The following CFAP221 variants were observed in gnomAD, a reference collection of about 807,000 sequenced individuals.
CFAP221 encodes the protein cilia and flagella associated protein 221.
In CFAP221, 97 loss-of-function variants were observed where a neutral mutation model predicts 113.1. The observed-to-expected ratio is 0.86, with a 90% CI of 0.73 to 1.02. The LOEUF (loss-of-function observed/expected upper bound fraction) is 1.02, where lower values mean the gene tolerates loss of function less well. CFAP221 is among the 50% of genes least tolerant of loss of function. The pLI, the probability that CFAP221 is intolerant of heterozygous loss-of-function variation, is 0.00. For missense variants in CFAP221, 1,025 were observed against 1,013.4 expected, an observed-to-expected ratio of 1.01 and a Z score of -0.16; for synonymous variants, 331 against 354.4, an observed-to-expected ratio of 0.93 and a Z score of 0.74.
At chr2:119,611,888 T>C in intron 13 of CFAP221, 146 bp downstream of exon 13, 1 of 723,454 alleles carries the variant, frequency 1.4e-6, no homozygotes, top group Non-Finnish European at 2.3e-6. Flanking sequence ...AATGTTACCA[T>C]GTTTTTGCAA....
chr2:119,587,068 C>A (rs1683271843), intron 6 of CFAP221, 51 bp from the exon 7 acceptor site: 8 of 1,327,846 alleles, frequency 6.0e-6, no homozygotes, highest in South Asian at 1.5e-5. Context: ...CCAAAAGAAC[C>A]AGTTATAAAG....
chr2:119,644,725 T>C (rs984538409), intron 21 of CFAP221, among the ~76,000 whole-genome samples: 2 of 152,284 alleles, frequency 1.3e-5, no homozygotes, highest in East Asian at 1.9e-4. Flanking sequence ...ATATATGTAA[T>C]GTATGTGCAT....
chr2:119,565,656 T>C (rs115366316), intron 6 of CFAP221, among the ~76,000 whole-genome samples: 145 of 152,362 alleles, frequency 9.5e-4, no homozygotes, highest in African/African-American at 3.4e-3. Flanking sequence ...TGATGTGATA[T>C]TTTTAAAAAA....
intron 14 of CFAP221, among the ~76,000 whole-genome samples, chr2:119,617,099 G>A (rs1181158177): frequency 6.6e-6 from 1 of 152,238 alleles, no homozygotes; most frequent in African/African-American, 2.4e-5. Flanking sequence ...CTGTCTCAAA[G>A]TGTTGTTGTG....
chr2:119,550,407 G>C (rs1416527851), intron 3 of CFAP221, among the ~76,000 whole-genome samples: 1 of 152,224 alleles, frequency 6.6e-6, no homozygotes, highest in Non-Finnish European at 1.5e-5. Flanking sequence ...AATGAAGTGA[G>C]TAGCGAGAAT....
Position 119,601,334 on chromosome 2 carries a change from G to A in CFAP221, c.748G>A (p.Glu250Lys), listed in dbSNP as rs76001239. ...TTCGCAGTTCAACTCTCAACCATAC[G>A]AATGTGTCTTCACCGGAACATGCTA... is the stretch of plus-strand genomic sequence containing the variant. ...WISQFNSQPY[E>K]CVFTGTCYPN... Residue 250 changes from glutamate to lysine, a missense_variant, in exon 8 of 24, where the codon GAA becomes AAA. Transcript: ENST00000413369. 1.0e-3 allele frequency: 1,592 copies of A among 1,534,732 alleles called. 6 individuals are homozygous for A. The African/African-American group carries it at 0.015, about 14-fold the overall frequency.
intron 14 of CFAP221, among the ~76,000 whole-genome samples, chr2:119,621,585 A>G (rs1574156418): frequency 6.6e-6 from 1 of 152,200 alleles, no homozygotes; most frequent in African/African-American, 2.4e-5. Context: ...TCAACAAAAT[A>G]CACATTCTTC....
intron 7 of CFAP221, among the ~76,000 whole-genome samples, chr2:119,591,197 A>G (rs538503905): frequency 2.8e-4 from 42 of 152,344 alleles, no homozygotes; most frequent in Admixed American, 2.7e-3. Context: ...TACCAGAGGT[A>G]AAATAGAGAG....
intron 21 of CFAP221, among the ~76,000 whole-genome samples, chr2:119,644,751 C>T (rs11895761): frequency 1.3e-5 from 2 of 152,128 alleles, no homozygotes; most frequent in African/African-American, 4.8e-5. Context: ...CACACATATA[C>T]ATATCCATAT....
At chr2:119,660,178 GGTCGT>G (rs1183814800), downstream of CFAP221, 2 of 152,260 alleles carry the variant, frequency 1.3e-5, no homozygotes, top group Non-Finnish European at 2.9e-5. Context: ...AGGTTGAAAA[GGTCGT>G]GGCCCCTTGG....
At chr2:119,658,619 G>GCACGCA (rs1553418302), downstream of CFAP221, among the ~76,000 whole-genome samples, 4 of 147,736 alleles carry the variant, frequency 2.7e-5, no homozygotes, top group East Asian at 5.9e-4. Flanking sequence ...CCCTCAACAC[G>GCACGCA]CACACACACA....
chr2:119,606,428 C>T lies in CFAP221; in HGVS notation c.1133+1139C>T, dbSNP rs531785185. On this transcript the variant is annotated intron_variant, in intron 11 of 23. Coordinates refer to ENST00000413369, the MANE Select transcript of CFAP221 (RefSeq NM_001271049.2). ...TCACCTGAAGCCCTCTGAAGGTGCC[C>T]ACCGGGCTGCTCCCCTGTCTCTGGG... is the stretch of plus-strand genomic sequence containing the variant. 7.2e-5 allele frequency among the ~76,000 whole-genome samples: 11 copies of T among 152,242 alleles called. No individual in the cohort carries two copies. The South Asian group carries it at 1.7e-3, about 23-fold the overall frequency.
At chr2:119,649,172 T>A (rs1418287343) in intron 22 of CFAP221, among the ~76,000 whole-genome samples, 1 of 152,230 alleles carries the variant, frequency 6.6e-6, no homozygotes, top group Non-Finnish European at 1.5e-5. Context: ...CTCCTGTCAC[T>A]TATCAAAATA....
At chr2:119,570,373 A>T (rs1310186787) in intron 6 of CFAP221, among the ~76,000 whole-genome samples, 2 of 152,246 alleles carry the variant, frequency 1.3e-5, no homozygotes, top group Non-Finnish European at 2.9e-5. Context: ...ACTTTCCAAA[A>T]AAGTCTTATT....
Position 119,591,923 on chromosome 2 carries a change from G to A in CFAP221, c.631+4701G>A, listed in dbSNP as rs543778007. Among the ~76,000 whole-genome samples the A allele has an allele frequency of 2.0e-5, 3 of 152,240 alleles. No individual in the cohort carries two copies. In the East Asian group the frequency reaches 5.8e-4, roughly 29 times the overall value. On this transcript the variant is annotated intron_variant, in intron 7 of 23. Transcript: ENST00000413369. ...AATGGGAAAAAAAGAGCCACTCCAG[G>A]TGTAAAGTATAGAAGAAATGAGGTT...
chr2:119,642,779 A>C (rs373957906), intron 21 of CFAP221, among the ~76,000 whole-genome samples: 2 of 152,086 alleles, frequency 1.3e-5, no homozygotes, highest in South Asian at 2.1e-4. Flanking sequence ...GCCTCAAGCA[A>C]TCCTCCCACC....
At chr2:119,579,353 A>G (rs1359702648) in intron 6 of CFAP221, among the ~76,000 whole-genome samples, 1 of 152,140 alleles carries the variant, frequency 6.6e-6, no homozygotes. Flanking sequence ...AATGGTATTT[A>G]ACAATGAGAA....
At chr2:119,631,984 C>G (rs201411838) in intron 19 of CFAP221, among the ~76,000 whole-genome samples, 1 of 152,238 alleles carries the variant, frequency 6.6e-6, no homozygotes, top group East Asian at 1.9e-4. Flanking sequence ...GCCAAAATAG[C>G]TTTATATCTG....
chr2:119,565,151 C>T (rs1371884502), intron 6 of CFAP221, among the ~76,000 whole-genome samples: 1 of 152,182 alleles, frequency 6.6e-6, no homozygotes, highest in Non-Finnish European at 1.5e-5. Flanking sequence ...AACTCCACCA[C>T]AGTACTTCCT....
Sources: allele counts gnomAD v4.1 joint callset (sites outside exome capture counted in the v4.1 genomes callset), GRCh38; gene constraint gnomAD v4.1.1; transcripts MANE v1.5; gene names NCBI Gene and HGNC (gene_info 2026-07-23, HGNC 2026-07-21).